Variants in ZNF335 observed in about 807,000 individuals in gnomAD.
ZNF335 encodes zinc finger protein 335.
In ZNF335, 84 loss-of-function variants were observed where a neutral mutation model predicts 145.6. The observed-to-expected ratio is 0.58, with a 90% CI of 0.48 to 0.69. ZNF335 has a LOEUF of 0.69. ZNF335 is among the 30% of genes least tolerant of loss of function. The pLI, the probability that ZNF335 is intolerant of heterozygous loss-of-function variation, is 0.00. For missense variants in ZNF335, 1,865 were observed against 1,809.7 expected (o/e 1.03, Z -0.55); for synonymous variants, 761 against 717.0 (o/e 1.06, Z -0.98).
At chr20:45,964,644 G>A (rs2145405235) in intron 7 of ZNF335, 1 of 152,330 alleles carries the variant, frequency 6.6e-6, no homozygotes, top group African/African-American at 2.4e-5. Flanking sequence ...GGTTACACAG[G>A]TGTGTGCACC....
At chr20:45,959,150 G>A (rs764300975) in intron 15 of ZNF335, 51 bp downstream of exon 15, 1 of 1,289,600 alleles carries the variant, frequency 7.8e-7, no homozygotes, top group South Asian at 2.5e-5. Flanking sequence ...TGATGCTGGG[G>A]CTGGGAGAAG....
chr20:45,962,042 C>T, intron 10 of ZNF335, 28 bp downstream of exon 10: 2 of 815,462 alleles, frequency 2.5e-6, no homozygotes, highest in Non-Finnish European at 2.0e-6. Context: ...GCCTCTCTTG[C>T]CCAGGTCCCT....
intron 15 of ZNF335, among the ~76,000 whole-genome samples, chr20:45,958,816 T>C (rs55851513): frequency 0.028 from 4,251 of 152,246 alleles, 209 homozygotes; most frequent in East Asian, 0.22. Context: ...GGAAGGCTGG[T>C]GCTCCTGCAG....
Position 45,961,879 on chromosome 20 carries a change from G to A in ZNF335, c.1646+191C>T, listed in dbSNP as rs138386225. Reference sequence around the variant, plus strand: ...AAGAGGCTGAGCTGGGGACCTCAAGGCCTGGTACTGTCCTGTTCTAAGCCA... The same window carrying A: ...AAGAGGCTGAGCTGGGGACCTCAAGACCTGGTACTGTCCTGTTCTAAGCCA... On this transcript the variant is annotated intron_variant, in intron 10 of 27. Coordinates refer to ENST00000322927, the MANE Select transcript of ZNF335 (RefSeq NM_022095.4). 640 of 541,936 alleles carry A rather than the reference G, an allele frequency of 1.2e-3. 6 individuals carry two copies. Among genetic ancestry groups the A allele is most frequent in the African/African-American group, 0.011 (592 of 53,432 alleles). The allele number at this position is 541,936 out of a possible 1,614,324, so 33.6% of individuals were successfully genotyped here.
chr20:45,964,277 C>T, intron 7 of ZNF335: 1 of 361,734 alleles, frequency 2.8e-6, no homozygotes, highest in Non-Finnish European at 5.0e-6. Context: ...GGCTCTGTCA[C>T]TGACATGCTG....
chr20:45,949,172 G>A lies in ZNF335; in HGVS notation c.3899C>T (p.Thr1300Ile), dbSNP rs761861227. 1 of 1,613,738 alleles carries A rather than the reference G, an allele frequency of 6.2e-7. No homozygotes were observed. Among genetic ancestry groups the A allele is most frequent in the South Asian group, 1.1e-5 (1 of 91,074 alleles). ...CTCCTCAGGATCCAGCTCCATACCT[G>A]TGACAGCTGAGTGTGCTGCAGCCTC... ...QLEAAAHSAV[T>I]AVADAAMAQA... Residue 1300 changes from threonine to isoleucine, a missense_variant and splice_region_variant, in exon 27 of 28, where the codon ACA (threonine) becomes ATA (isoleucine). Thr to Ile is a moderately conservative substitution (Grantham distance 89). Transcript: ENST00000322927.
Position 45,967,879 on chromosome 20 carries a change from G to A in ZNF335, c.669C>T (p.Ser223=), listed in dbSNP as rs751020712. ...PSSPVQLPPA[S]GAEEPDLQSL... Reference sequence around the variant, plus strand: ...TCTGCAGGTCCGGCTCTTCGGCACCGGAGGCTGGGGGCAGCTGCACCGGGG... The same window carrying A: ...TCTGCAGGTCCGGCTCTTCGGCACCAGAGGCTGGGGGCAGCTGCACCGGGG... Residue 223 remains serine, a synonymous_variant, in exon 5 of 28, where the codon TCC becomes TCT. Coordinates refer to ENST00000322927, the MANE Select transcript of ZNF335 (RefSeq NM_022095.4). 24 of 1,612,646 alleles carry A rather than the reference G, an allele frequency of 1.5e-5. No individual in the cohort carries two copies. The highest frequency in any genetic ancestry group is 3.3e-5 in the Admixed American group (2 of 59,982).
In ZNF335 at chr20:45,963,824, T is replaced by C. The variant is rs771532057; in HGVS notation, c.1269A>G (p.Ala423=). The C allele has an allele frequency of 9.3e-6, 15 of 1,613,978 alleles. No homozygotes were observed. The highest frequency in any genetic ancestry group is 1.3e-5 in the African/African-American group (1 of 75,054). Residue 423 remains alanine, a synonymous_variant, in exon 8 of 28, where the codon GCA becomes GCG. Transcript: ENST00000322927. ...CATGCTCATCCGGGCAGGAGGGGGC[T>C]GCGTTCTCTGCATCTGACTGGCTCA... ...AGVSQSDAEN[A]APSCPDEHDT... is the part of the protein sequence containing the mutation.
At chr20:45,949,434 A>G (rs747180003) in intron 25 of ZNF335, 36 bp from the exon 26 acceptor site, 47 of 1,613,792 alleles carry the variant, frequency 2.9e-5, no homozygotes, top group Admixed American at 8.3e-5. Context: ...TCCTAGGGAG[A>G]GGTCATGCAG....
Position 45,952,537 on chromosome 20 carries a change from GA to G in ZNF335, c.2815-17del, listed in dbSNP as rs765844426. On this transcript the variant is annotated splice_polypyrimidine_tract_variant and intron_variant, in intron 19 of 27. Coordinates refer to ENST00000322927, the MANE Select transcript of ZNF335 (RefSeq NM_022095.4). ...CTGCGGTGAGCTGTAGAGAGACAGGGAGCATGAGGTACTGAGAAGGGGAGGG... is the reference window on the plus strand; with the variant it reads ...CTGCGGTGAGCTGTAGAGAGACAGGGGCATGAGGTACTGAGAAGGGGAGGG... 1 of 1,602,764 alleles carries G rather than the reference GA, an allele frequency of 6.2e-7. No homozygotes were observed. The highest frequency in any genetic ancestry group is 8.5e-7 in the Non-Finnish European group (1 of 1,172,954).
Position 45,948,907 on chromosome 20 carries a change from A to C in ZNF335, c.*46T>G. On this transcript the variant is annotated 3_prime_UTR_variant, in exon 28 of 28. Coordinates refer to ENST00000322927, the MANE Select transcript of ZNF335 (RefSeq NM_022095.4). ...TGAGTCCTGGTGGCCCCCTACCCCC[A>C]GGAGAGCTGGCCGCAAATCCATGAT... 2 of 1,612,868 alleles carry C rather than the reference A, an allele frequency of 1.2e-6. No individual in the cohort carries two copies. Among genetic ancestry groups the C allele is most frequent in the Non-Finnish European group, 1.7e-6 (2 of 1,179,858 alleles).
intron 15 of ZNF335, among the ~76,000 whole-genome samples, chr20:45,958,592 TC>T (rs778602052): frequency 5.4e-4 from 82 of 152,306 alleles, no homozygotes; most frequent in Non-Finnish European, 5.1e-4. Flanking sequence ...ATCCTCCTCT[TC>T]CCTCTTGCTA....
In ZNF335 at chr20:45,960,307, A is replaced by C. The variant is rs750469828; in HGVS notation, c.1921T>G (p.Leu641Val). 5 of 1,614,184 alleles carry C rather than the reference A, an allele frequency of 3.1e-6. No individual in the cohort carries two copies. The South Asian group carries it at 5.5e-5, about 18-fold the overall frequency. Residue 641 changes from leucine (L) to valine (V), a missense_variant, in exon 14 of 28, where the codon TTG (leucine) becomes GTG (valine). By Grantham distance (32) the Leu-to-Val change is conservative (BLOSUM62 1). Transcript: ENST00000322927. The stretch of plus-strand genomic sequence containing the variant: ...AAGGGCTTGTCACTGACGTGGGACA[A>C]CTGGTGGTTCAGCAGTGCCTTCTTG... ...EDKKALLNHQ[L>V]SHVSDKPFKC...
chr20:45,948,930 G>T lies in ZNF335; in HGVS notation c.*23C>A. The T allele has an allele frequency of 6.2e-7, 1 of 1,613,712 alleles. No individual in the cohort carries two copies. The highest frequency in any genetic ancestry group is 1.1e-5 in the South Asian group (1 of 91,042). On this transcript the variant is annotated 3_prime_UTR_variant, in exon 28 of 28. Transcript: ENST00000322927. ...CCAGGAGAGCTGGCCGCAAATCCAT[G>T]ATCTGTGTTGGGCCCTCGGGGCTCA... is the stretch of plus-strand genomic sequence containing the variant.
chr20:45,950,746 G>C, intron 20 of ZNF335, 151 bp from the exon 21 acceptor site: 1 of 980,776 alleles, frequency 1.0e-6, no homozygotes. Context: ...GGGTAGAAAG[G>C]CCAAGCCGGA....
chr20:45,954,919 T>C (rs2083699114), intron 17 of ZNF335, among the ~76,000 whole-genome samples: 1 of 151,828 alleles, frequency 6.6e-6, no homozygotes, highest in Non-Finnish European at 1.5e-5. Flanking sequence ...AGGCATGCAT[T>C]GCCACACCCG....
rs1303507232 is a variant in ZNF335, at chr20:45,952,592, C to T, written c.2814+6G>A. On this transcript the variant is annotated splice_donor_region_variant and intron_variant, in intron 19 of 27. Transcript: ENST00000322927. ...TGGGGGAGTGGTTGGCATCCCCAAG[C>T]CTCACCTCAATGTGGTGCAACTGGG... The T allele has an allele frequency of 6.2e-7, 1 of 1,613,702 alleles. No homozygotes were observed. Among genetic ancestry groups the T allele is most frequent in the East Asian group, 2.2e-5 (1 of 44,864 alleles).
chr20:45,968,578 C>T (rs1473989678), intron 3 of ZNF335: 2 of 472,562 alleles, frequency 4.2e-6, no homozygotes, highest in South Asian at 3.9e-5. Flanking sequence ...ACTCAGCAGC[C>T]GGCCCACACT....
At chr20:45,967,656 G>C (rs2083981095) in intron 5 of ZNF335, 22 bp from the exon 6 acceptor site, 1 of 1,613,124 alleles carries the variant, frequency 6.2e-7, no homozygotes, top group Admixed American at 1.7e-5. Flanking sequence ...GGGAGGGTAA[G>C]ACAAGCTTGC....
Sources: allele counts gnomAD v4.1 joint callset (sites outside exome capture counted in the v4.1 genomes callset), GRCh38; gene constraint gnomAD v4.1.1; transcripts MANE v1.5; gene names NCBI Gene and HGNC (gene_info 2026-07-23, HGNC 2026-07-21).